Variants in DNER observed in about 807,000 individuals in gnomAD.
The protein encoded by DNER is delta/notch like EGF repeat containing, also known as delta and Notch-like epidermal growth factor-related receptor.
Under a neutral mutation model 78.2 loss-of-function variants are expected in DNER, and 33 were observed. That is an observed-to-expected ratio of 0.42 (90% CI 0.32 to 0.56). The LOEUF is 0.56. Among genes scored for constraint, DNER ranks in the 20% least tolerant of loss-of-function variants. The probability of loss-of-function intolerance (pLI) is 0.11; values close to 1 mark genes in which losing one functional copy is unlikely to be tolerated. For synonymous variants in DNER, 417 were observed against 384.8 expected (o/e 1.08, Z -0.98); for missense variants, 918 against 975.3 (o/e 0.94, Z 0.78).
At chr2:229,623,494 C>A (rs1240621841) in intron 1 of DNER, among the ~76,000 whole-genome samples, 1 of 152,208 alleles carries the variant, frequency 6.6e-6, no homozygotes, top group Non-Finnish European at 1.5e-5. Context: ...AAGATCCCTG[C>A]CCCCAGCCCA....
chr2:229,387,519 GAA>G (rs1411689829), intron 11 of DNER, among the ~76,000 whole-genome samples: 4 of 100,856 alleles, frequency 4.0e-5, no homozygotes, highest in Admixed American at 2.3e-4. Context: ...GAGAAAGAAA[GAA>G]AGAAAGAAAG....
At chr2:229,668,923 A>G (rs962007892) in intron 1 of DNER, among the ~76,000 whole-genome samples, 1 of 152,080 alleles carries the variant, frequency 6.6e-6, no homozygotes, top group Non-Finnish European at 1.5e-5. Context: ...ATGCACACCT[A>G]TGTTTATTAC....
At chr2:229,628,721 A>G (rs1326017704) in intron 1 of DNER, among the ~76,000 whole-genome samples, 4 of 152,170 alleles carry the variant, frequency 2.6e-5, no homozygotes, top group African/African-American at 9.6e-5. Context: ...TCATCACTGC[A>G]ACCCAGCTTC....
intron 1 of DNER, among the ~76,000 whole-genome samples, chr2:229,624,743 A>G (rs548278185): frequency 6.6e-6 from 1 of 152,336 alleles, no homozygotes; most frequent in East Asian, 1.9e-4. Flanking sequence ...CATTTTTTAG[A>G]CTATGACATT....
At chr2:229,515,481 T>G (rs1251746060) in intron 5 of DNER, among the ~76,000 whole-genome samples, 1 of 152,184 alleles carries the variant, frequency 6.6e-6, no homozygotes, top group Non-Finnish European at 1.5e-5. Flanking sequence ...AAAATTTACT[T>G]GGTTTGTATC....
At chr2:229,569,050 T>C (rs1010669864) in intron 4 of DNER, among the ~76,000 whole-genome samples, 2 of 152,164 alleles carry the variant, frequency 1.3e-5, no homozygotes, top group Non-Finnish European at 2.9e-5. Context: ...TGCGTATCTA[T>C]GTCTGTGTAT....
Position 229,714,263 on chromosome 2 carries a change from C to T in DNER, c.161G>A (p.Arg54Gln), listed in dbSNP as rs1336951348. Residue 54 changes from arginine to glutamine, a missense_variant, in exon 1 of 13, where the codon CGG (arginine) becomes CAG (glutamine). Transcript: ENST00000341772. ...APGPCAAQPC[R>Q]NGGVCTSRPE... Reference sequence around the variant, plus strand: ...GCGCGAGGTGCACACACCCCCATTCCGGCAGGGCTGCGCGGCGCACGGCCC... The same window carrying T: ...GCGCGAGGTGCACACACCCCCATTCTGGCAGGGCTGCGCGGCGCACGGCCC... The T allele has an allele frequency of 2.9e-6, 4 of 1,401,296 alleles. No individual in the cohort carries two copies. The highest frequency in any genetic ancestry group is 3.1e-5 in the East Asian group (1 of 32,554). 86.8% of individuals were successfully genotyped at this position (1,401,296 alleles called of 1,614,324 possible). A position where few individuals can be genotyped will look rare whatever the true frequency, so the allele number is the denominator to read the frequency against.
chr2:229,613,387 A>G (rs1480368776), intron 1 of DNER, among the ~76,000 whole-genome samples: 4 of 152,252 alleles, frequency 2.6e-5, no homozygotes, highest in Non-Finnish European at 5.9e-5. Flanking sequence ...TAATTTATGA[A>G]CAATAACATA....
At chr2:229,506,590 T>C (rs573265545) in intron 6 of DNER, among the ~76,000 whole-genome samples, 2 of 151,956 alleles carry the variant, frequency 1.3e-5, no homozygotes, top group South Asian at 4.2e-4. Flanking sequence ...TACATATGTG[T>C]ACATGTGCCA....
chr2:229,403,500 T>C (rs1310086736), intron 10 of DNER, among the ~76,000 whole-genome samples: 1 of 152,204 alleles, frequency 6.6e-6, no homozygotes, highest in Non-Finnish European at 1.5e-5. Context: ...GAGCATCTCC[T>C]GGGACCAGTT....
intron 1 of DNER, among the ~76,000 whole-genome samples, chr2:229,671,234 C>T (rs1313699923): frequency 5.9e-5 from 9 of 152,308 alleles, no homozygotes; most frequent in Non-Finnish European, 1.2e-4. Context: ...CATCACTCAT[C>T]AGGAGGCTCC....
chr2:229,604,511 C>A (rs933888928), intron 1 of DNER, among the ~76,000 whole-genome samples: 4 of 152,098 alleles, frequency 2.6e-5, no homozygotes, highest in Non-Finnish European at 4.4e-5. Flanking sequence ...GCCTGTGAAA[C>A]CAGGTGCAAG....
chr2:229,633,730 A>T (rs1417084242), intron 1 of DNER, among the ~76,000 whole-genome samples: 1 of 152,154 alleles, frequency 6.6e-6, no homozygotes, highest in Non-Finnish European at 1.5e-5. Flanking sequence ...AAGAGCTGGG[A>T]CATAGTGGAC....
chr2:229,414,292 C>G (rs1374743114), intron 9 of DNER, among the ~76,000 whole-genome samples: 6 of 152,052 alleles, frequency 3.9e-5, no homozygotes, highest in Non-Finnish European at 1.5e-5. Flanking sequence ...CTTTATCTGC[C>G]CATTGGATTT....
In DNER at chr2:229,551,478, T is replaced by C. The variant is rs116606626; in HGVS notation, c.848-4386A>G. On this transcript the variant is annotated intron_variant, in intron 4 of 12. Transcript: ENST00000341772. ...GTGAAACCCCATCCCTACTAAAAAT[T>C]TAAAAATTAGCCAGGCGTGATGGTG... Among the ~76,000 whole-genome samples the C allele has an allele frequency of 2.1e-5, 3 of 143,104 alleles. No homozygotes were observed. In the East Asian group the frequency reaches 6.3e-4, roughly 30 times the overall value. 93.9% of individuals were successfully genotyped at this position (143,104 alleles called of 152,430 possible). A position where few individuals can be genotyped will look rare whatever the true frequency, so the allele number is the denominator to read the frequency against.
chr2:229,693,505 G>T (rs1275590407), intron 1 of DNER, among the ~76,000 whole-genome samples: 1 of 152,088 alleles, frequency 6.6e-6, no homozygotes, highest in African/African-American at 2.4e-5. Flanking sequence ...AAAAATGTGG[G>T]TAAGTTTGGA....
intron 5 of DNER, among the ~76,000 whole-genome samples, chr2:229,520,617 A>AC (rs1553537222): frequency 6.6e-5 from 10 of 151,710 alleles, no homozygotes; most frequent in Admixed American, 2.6e-4. Flanking sequence ...TAAAACAAAC[A>AC]TTTTTTTTTA....
At chr2:229,487,983 TC>T (rs1695313426) in intron 6 of DNER, among the ~76,000 whole-genome samples, 1 of 152,198 alleles carries the variant, frequency 6.6e-6, no homozygotes, top group African/African-American at 2.4e-5. Context: ...TTCAAAGGTT[TC>T]TGCACAGAGT....
At chr2:229,425,830 A>G (rs2106352511) in intron 8 of DNER, among the ~76,000 whole-genome samples, 1 of 152,312 alleles carries the variant, frequency 6.6e-6, no homozygotes, top group South Asian at 2.1e-4. Context: ...GCCTCAGGCA[A>G]ACAGGACCTT....
Sources: allele counts gnomAD v4.1 joint callset (sites outside exome capture counted in the v4.1 genomes callset), GRCh38; gene constraint gnomAD v4.1.1; transcripts MANE v1.5; gene names NCBI Gene and HGNC (gene_info 2026-07-23, HGNC 2026-07-21).